RETNLB: variants seen among roughly 807,000 people sequenced by gnomAD.
The protein encoded by RETNLB is resistin-like beta.
Under a neutral mutation model 6.8 loss-of-function variants are expected in RETNLB, and 11 were observed. The observed-to-expected ratio is 1.62, with a 90% CI of 1.02 to 2.68. The LOEUF is 2.68. Among genes scored for constraint, RETNLB ranks in the 30% most tolerant of loss-of-function variants. RETNLB has a pLI of 0.00. For synonymous variants in RETNLB, 57 were observed against 54.2 expected (o/e 1.05, Z -0.23); for missense variants, 146 against 135.7 (o/e 1.08, Z -0.38).
Position 108,755,748 on chromosome 3 carries a change from C to T in RETNLB, c.*30G>A, listed in dbSNP as rs763595089. The stretch of plus-strand genomic sequence containing the variant: ...ACCCTGGTTTCATTACTGTCATGGT[C>T]ACAAAACTGAGTTCTCAGCCTCCTC... On this transcript the variant is annotated 3_prime_UTR_variant, in exon 3 of 3. Coordinates refer to ENST00000295755, the MANE Select transcript of RETNLB (RefSeq NM_032579.3). 5 of 1,609,342 alleles carry T rather than the reference C, an allele frequency of 3.1e-6. No homozygotes were observed. The African/African-American group carries it at 5.3e-5, about 17-fold the overall frequency.
chr3:108,756,064 A>G (rs919205868), intron 2 of RETNLB, among the ~76,000 whole-genome samples, 159 bp from the exon 3 acceptor site: 18 of 152,212 alleles, frequency 1.2e-4, no homozygotes, highest in African/African-American at 4.1e-4. Context: ...CAAGAAAAGA[A>G]ATACAGAAAT....
chr3:108,755,810 A>T lies in RETNLB; in HGVS notation c.304T>A (p.Trp102Arg). Residue 102 changes from tryptophan (W) to arginine (R), a missense_variant, in exon 3 of 3, where the codon TGG (tryptophan) becomes AGG (arginine). Coordinates refer to ENST00000295755, the MANE Select transcript of RETNLB (RefSeq NM_032579.3). ...AGGTGGCAGCAGCGGGCAGTGGTCC[A>T]GTCCACCACACTGCACTGGCAGTGG... ...TCHCQCSVVD[W>R]TTARCCHLT 6.2e-7 allele frequency: 1 copy of T among 1,614,162 alleles called. No individual in the cohort carries two copies. Among genetic ancestry groups the T allele is most frequent in the Non-Finnish European group, 8.5e-7 (1 of 1,180,000 alleles).
At chr3:108,756,420 G>T in intron 2 of RETNLB, 88 bp downstream of exon 2, 3 of 917,944 alleles carry the variant, frequency 3.3e-6, no homozygotes, top group Non-Finnish European at 5.4e-6. Context: ...ATACAGACCT[G>T]ACATGGGGGA....
In RETNLB at chr3:108,755,709, A is replaced by G. The variant is rs1945243940; in HGVS notation, c.*69T>C. 11 of 1,561,660 alleles carry G rather than the reference A, an allele frequency of 7.0e-6. 1 individual carries two copies. The South Asian group carries it at 1.3e-4, about 18-fold the overall frequency. On this transcript the variant is annotated 3_prime_UTR_variant, in exon 3 of 3. Transcript: ENST00000295755. ...AAATGAAGTGGGACGTTTGAGTTAG[A>G]TTTCTTGGTTGGGACCCTGGTTTCA...
rs373931408 is a variant in RETNLB at position 108,756,154 on chromosome 3, G to T, written c.209-249C>A. 5.9e-5 allele frequency among the ~76,000 whole-genome samples: 9 copies of T among 152,098 alleles called. No homozygotes were observed. The East Asian group carries it at 1.7e-3, about 29-fold the overall frequency. On this transcript the variant is annotated intron_variant, in intron 2 of 2. Coordinates refer to ENST00000295755, the MANE Select transcript of RETNLB (RefSeq NM_032579.3). ...GAACTTGGGAGTTTCAGTTTTCTTC[G>T]ATTTGTGATAAATTCACCTCTCTGT...
chr3:108,756,111 A>G (rs1945248360), intron 2 of RETNLB, among the ~76,000 whole-genome samples: 1 of 152,230 alleles, frequency 6.6e-6, no homozygotes. Flanking sequence ...AAAGAGACTC[A>G]TGCAAGTGAG....
At chr3:108,756,651 C>T (rs958729412) in intron 1 of RETNLB, 63 bp from the exon 2 acceptor site, 2 of 1,190,516 alleles carry the variant, frequency 1.7e-6, no homozygotes, top group East Asian at 2.3e-5. Context: ...CCCTTATCCC[C>T]TTCCAAATTG....
chr3:108,755,858 C>G lies in RETNLB; in HGVS notation c.256G>C (p.Asp86His), dbSNP rs1945245783. ...TGGCAGGTGGTTTCCAGCTGAACAT[C>G]CCACGAACCACAGCCATAGCCACAA... The part of the protein sequence containing the change: ...CACGYGCGSW[D>H]VQLETTCHCQ... The change falls in exon 3 of 3, where the codon GAT (aspartate) becomes CAT (histidine). Residue 86 changes from aspartate to histidine, a missense_variant. Coordinates refer to ENST00000295755, the MANE Select transcript of RETNLB (RefSeq NM_032579.3). The G allele has an allele frequency of 6.2e-7, 1 of 1,614,040 alleles. No homozygotes were observed. The highest frequency in any genetic ancestry group is 8.5e-7 in the Non-Finnish European group (1 of 1,180,034).
intron 1 of RETNLB, 90 bp downstream of exon 1, chr3:108,756,969 C>T (rs1945254747): frequency 1.4e-6 from 2 of 1,473,806 alleles, no homozygotes; most frequent in East Asian, 4.7e-5. Flanking sequence ...TGGTTGGGAT[C>T]TTGGGATGGG....
intron 1 of RETNLB, 53 bp downstream of exon 1, chr3:108,757,006 C>G: frequency 6.3e-7 from 1 of 1,581,328 alleles, no homozygotes; most frequent in Non-Finnish European, 8.6e-7. Flanking sequence ...AGTTTAAGAA[C>G]AGGAGAAATG....
intron 1 of RETNLB, 82 bp from the exon 2 acceptor site, chr3:108,756,670 C>T: frequency 1.0e-6 from 1 of 989,892 alleles, no homozygotes; most frequent in Non-Finnish European, 1.6e-6. Context: ...TGTCTTCTAC[C>T]TTGGAGGTGA....
chr3:108,755,873 C>G lies in RETNLB; in HGVS notation c.241G>C (p.Gly81Arg), dbSNP rs1361314870. 1 of 1,614,148 alleles carries G rather than the reference C, an allele frequency of 6.2e-7. No individual in the cohort carries two copies. Among genetic ancestry groups the G allele is most frequent in the Admixed American group, 1.7e-5 (1 of 60,010 alleles). Residue 81 changes from glycine (G) to arginine (R), a missense_variant, in exon 3 of 3, where the codon GGC (glycine) becomes CGC (arginine). Coordinates refer to ENST00000295755, the MANE Select transcript of RETNLB (RefSeq NM_032579.3). Reference protein sequence around the residue: ...MAVTGCACGYGCGSWDVQLET... With the variant: ...MAVTGCACGYRCGSWDVQLET... Reference sequence around the variant, plus strand: ...AGCTGAACATCCCACGAACCACAGCCATAGCCACAAGCACAGCCAGTGACA... The same window carrying G: ...AGCTGAACATCCCACGAACCACAGCGATAGCCACAAGCACAGCCAGTGACA...
In RETNLB at chr3:108,757,149, G is replaced by T; in HGVS notation, c.37C>A (p.Pro13Thr). The T allele has an allele frequency of 6.2e-7, 1 of 1,613,782 alleles. No homozygotes were observed. The highest frequency in any genetic ancestry group is 8.5e-7 in the Non-Finnish European group (1 of 1,179,866). Residue 13 changes from proline (P) to threonine (T), a missense_variant, in exon 1 of 3, where the codon CCC becomes ACC. Physicochemically the swap from Pro to Thr is conservative, Grantham distance 38. Coordinates refer to ENST00000295755, the MANE Select transcript of RETNLB (RefSeq NM_032579.3). ...PSSCLLLILIPLLQLINPGST... is the reference protein window; with the variant it reads ...PSSCLLLILITLLQLINPGST... ...CCCGGGTTGATCAGCTGGAGAAGGG[G>T]GATTAGGATGAGAAGGAGGCAAGAG... is the stretch of plus-strand genomic sequence containing the variant.
At chr3:108,755,978 C>T (rs895823099) in intron 2 of RETNLB, 73 bp from the exon 3 acceptor site, 5 of 1,585,802 alleles carry the variant, frequency 3.2e-6, no homozygotes, top group South Asian at 2.2e-5. Flanking sequence ...CCACAACCAT[C>T]TTTCAACCCT....
rs781236555 is a variant in RETNLB at position 108,755,850 on chromosome 3, C to A, written c.264G>T (p.Gln88His). The A allele has an allele frequency of 1.9e-6, 3 of 1,614,152 alleles. No individual in the cohort carries two copies. Among genetic ancestry groups the A allele is most frequent in the Admixed American group, 1.7e-5 (1 of 60,018 alleles). ...ACTGGCAGTGGCAGGTGGTTTCCAG[C>A]TGAACATCCCACGAACCACAGCCAT... ...CGYGCGSWDV[Q>H]LETTCHCQCS... is the part of the protein sequence containing the mutation. Residue 88 changes from glutamine (Q) to histidine (H), a missense_variant, in exon 3 of 3, where the codon CAG becomes CAT. Coordinates refer to ENST00000295755, the MANE Select transcript of RETNLB (RefSeq NM_032579.3).
intron 2 of RETNLB, 54 bp downstream of exon 2, chr3:108,756,454 C>G: frequency 8.5e-7 from 1 of 1,176,148 alleles, no homozygotes; most frequent in Admixed American, 1.7e-5. Context: ...GGGAGATGGA[C>G]AGGGGAGGAT....
Position 108,757,105 on chromosome 3 carries a change from T to C in RETNLB, c.81A>G (p.Leu27=), listed in dbSNP as rs748048343. 1.2e-5 allele frequency: 19 copies of C among 1,613,834 alleles called. No individual in the cohort carries two copies. The highest frequency in any genetic ancestry group is 1.6e-5 in the Non-Finnish European group (19 of 1,179,904). The change falls in exon 1 of 3, where the codon TTA becomes TTG. Residue 27 remains leucine, a synonymous_variant. Coordinates refer to ENST00000295755, the MANE Select transcript of RETNLB (RefSeq NM_032579.3). ...LINPGSTQCS[L]DSVMDKKIKD... is the part of the protein sequence containing the mutation. ...TGATCTTCTTATCCATAACGGAGTC[T>C]AAGGAACACTGAGTACTCCCCGGGT...
In RETNLB at chr3:108,755,806, G is replaced by T. The variant is rs746174439; in HGVS notation, c.308C>A (p.Thr103Asn). Residue 103 changes from threonine (T) to asparagine (N), a missense_variant, in exon 3 of 3, where the codon ACC becomes AAC. Transcript: ENST00000295755. ...GGTCAGGTGGCAGCAGCGGGCAGTGGTCCAGTCCACCACACTGCACTGGCA... is the reference window on the plus strand; with the variant it reads ...GGTCAGGTGGCAGCAGCGGGCAGTGTTCCAGTCCACCACACTGCACTGGCA... ...CHCQCSVVDW[T>N]TARCCHLT 18 of 1,614,000 alleles carry T rather than the reference G, an allele frequency of 1.1e-5. No individual in the cohort carries two copies. In the East Asian group the frequency reaches 3.8e-4, roughly 34 times the overall value.
rs182219550 is a variant in RETNLB, at chr3:108,757,150, G to A, written c.36C>T (p.Ile12=). 1.3e-4 allele frequency: 210 copies of A among 1,613,848 alleles called. No homozygotes were observed. The highest frequency in any genetic ancestry group is 3.3e-4 in the Middle Eastern group (2 of 6,048). Residue 12 remains isoleucine (I), a synonymous_variant, in exon 1 of 3, where the codon ATC becomes ATT. Transcript: ENST00000295755. ...GPSSCLLLIL[I]PLLQLINPGS... ...CCGGGTTGATCAGCTGGAGAAGGGG[G>A]ATTAGGATGAGAAGGAGGCAAGAGG...
Sources: allele counts gnomAD v4.1 joint callset (sites outside exome capture counted in the v4.1 genomes callset), GRCh38; gene constraint gnomAD v4.1.1; transcripts MANE v1.5; gene names NCBI Gene and HGNC (gene_info 2026-07-23, HGNC 2026-07-21).